Variants in DOP1B observed in about 807,000 individuals in gnomAD.
DOP1B encodes DOP1 leucine zipper like protein B, also known as protein DOP1B.
DOP1B carries 174 observed loss-of-function variants against 233.5 expected under a neutral mutation model. The observed-to-expected ratio is 0.75, with a 90% CI of 0.66 to 0.85. The LOEUF is 0.85. DOP1B is among the 40% of genes least tolerant of loss of function. The pLI is 0.00. For missense variants in DOP1B, 2,652 were observed against 2,846.6 expected, an observed-to-expected ratio of 0.93 and a Z score of 1.56; for synonymous variants, 1,190 against 1,185.6, an observed-to-expected ratio of 1.00 and a Z score of -0.08.
intron 2 of DOP1B, among the ~76,000 whole-genome samples, chr21:36,193,325 GT>G (rs1162491320): frequency 2.0e-5 from 3 of 152,164 alleles, no homozygotes; most frequent in African/African-American, 4.8e-5. Context: ...TGACAGTCGC[GT>G]AGAATGACTG....
chr21:36,235,798 A>G (rs189682713), intron 15 of DOP1B, among the ~76,000 whole-genome samples: 13 of 142,642 alleles, frequency 9.1e-5, no homozygotes, highest in Admixed American at 3.8e-4. Context: ...TTGCAAAAAA[A>G]TTTTTTAAAC....
intron 26 of DOP1B, among the ~76,000 whole-genome samples, chr21:36,264,976 T>C (rs1054300240): frequency 3.9e-5 from 6 of 152,216 alleles, no homozygotes; most frequent in African/African-American, 1.4e-4. Flanking sequence ...ATTGATTCAG[T>C]TGGCTTTTCT....
At chr21:36,197,193 A>G (rs1433623347) in intron 2 of DOP1B, among the ~76,000 whole-genome samples, 2 of 152,046 alleles carry the variant, frequency 1.3e-5, no homozygotes, top group African/African-American at 4.8e-5. Flanking sequence ...CTGCCTCCCA[A>G]AGTGCCAGGA....
rs776238578 is a variant in DOP1B at position 36,293,763 on chromosome 21, A to C, written c.*192A>C. On this transcript the variant is annotated 3_prime_UTR_variant, in exon 37 of 37. Transcript: ENST00000691173. ...TTTGGGAGGCCAAGGCAGGCAGATC[A>C]CTTGAGGTCAGGAGTTCGAGACCAG... 1.7e-6 allele frequency: 1 copy of C among 572,064 alleles called. No individual in the cohort carries two copies. The allele number at this position is 572,064 out of a possible 1,614,324, so 35.4% of individuals were successfully genotyped here. A position where few individuals can be genotyped will look rare whatever the true frequency, so the allele number is the denominator to read the frequency against.
At chr21:36,222,762 G>A (rs1234245102) in intron 10 of DOP1B, among the ~76,000 whole-genome samples, 1 of 151,714 alleles carries the variant, frequency 6.6e-6, no homozygotes, top group Non-Finnish European at 1.5e-5. Flanking sequence ...TTGAGACAGA[G>A]TCTCACTCTG....
chr21:36,165,129 A>G (rs990679880), intron 2 of DOP1B, among the ~76,000 whole-genome samples: 5 of 152,152 alleles, frequency 3.3e-5, no homozygotes, highest in Non-Finnish European at 5.9e-5. Flanking sequence ...TAACCTATCA[A>G]TGTATGTACC....
chr21:36,244,981 G>A (rs746507705), intron 18 of DOP1B, 67 bp from the exon 19 acceptor site: 32 of 1,473,248 alleles, frequency 2.2e-5, no homozygotes, highest in African/African-American at 5.6e-5. Flanking sequence ...GACAAAGACC[G>A]CCCTACAGCT....
At position 36,269,995 on chromosome 21, in the gene DOP1B, C is replaced by T; in HGVS notation, c.5488-18C>T. The T allele has an allele frequency of 6.2e-7, 1 of 1,613,356 alleles. No homozygotes were observed. Among genetic ancestry groups the T allele is most frequent in the Non-Finnish European group, 8.5e-7 (1 of 1,179,414 alleles). On this transcript the variant is annotated intron_variant, in intron 26 of 36. Transcript: ENST00000691173. Reference sequence around the variant, plus strand: ...TCCTTAATTAACTTCCTTTCCCCCTCCTCCTGATAATTCTCAGGAAATCAC... The same window carrying T: ...TCCTTAATTAACTTCCTTTCCCCCTTCTCCTGATAATTCTCAGGAAATCAC...
At chr21:36,273,080 C>T (rs939428342) in intron 27 of DOP1B, among the ~76,000 whole-genome samples, 3 of 149,928 alleles carry the variant, frequency 2.0e-5, no homozygotes, top group South Asian at 2.1e-4. Context: ...CCAGCCTGGG[C>T]GACAGAGCAA....
rs746372746 is a variant in DOP1B at position 36,238,688 on chromosome 21, C to T, written c.2863C>T (p.Arg955Cys). ...AGGCAGTCGAGTAACATCTCACAATCGCTCCTTTGATAGGTGAGGCGGCCT... is the reference window on the plus strand; with the variant it reads ...AGGCAGTCGAGTAACATCTCACAATTGCTCCTTTGATAGGTGAGGCGGCCT... ...IQGSRVTSHNRSFDRSLFVVL... is the reference protein window; with the variant it reads ...IQGSRVTSHNCSFDRSLFVVL... The change falls in exon 17 of 37, where the codon CGC becomes TGC. Residue 955 changes from arginine (R) to cysteine (C), a missense_variant. This residue lies in a region of DOP1B where 2,617 missense variants were observed against 2,794.3 expected (regional missense o/e 0.94). Coordinates refer to ENST00000691173, the MANE Select transcript of DOP1B (RefSeq NM_001320714.2). 3.7e-6 allele frequency: 6 copies of T among 1,614,210 alleles called. No homozygotes were observed. Among genetic ancestry groups the T allele is most frequent in the South Asian group, 1.1e-5 (1 of 91,084 alleles).
At chr21:36,223,585 T>C (rs2066650091) in intron 11 of DOP1B, among the ~76,000 whole-genome samples, 1 of 152,242 alleles carries the variant, frequency 6.6e-6, no homozygotes. Flanking sequence ...CTGAAGCTGC[T>C]TTAAAAGTCT....
At chr21:36,202,130 C>T (rs756536519) in intron 4 of DOP1B, among the ~76,000 whole-genome samples, 2 of 151,966 alleles carry the variant, frequency 1.3e-5, no homozygotes, top group South Asian at 2.1e-4. Flanking sequence ...AAGGTTGCAG[C>T]GAGCCGAGAT....
At chr21:36,292,052 G>A (rs370157448) in intron 35 of DOP1B, 52 bp from the exon 36 acceptor site, 90 of 1,532,266 alleles carry the variant, frequency 5.9e-5, no homozygotes, top group African/African-American at 2.7e-4. Flanking sequence ...TAATTTTAAC[G>A]ACGTTGAAGG....
chr21:36,260,376 A>C (rs1256264841), intron 23 of DOP1B, among the ~76,000 whole-genome samples: 6 of 151,976 alleles, frequency 3.9e-5, no homozygotes, highest in Non-Finnish European at 8.8e-5. Flanking sequence ...TCTGTTTGGG[A>C]AGTTCGGTTA....
At position 36,212,613 on chromosome 21, in the gene DOP1B, C is replaced by T. The variant is rs556757817; in HGVS notation, c.904+516C>T. Among the ~76,000 whole-genome samples, 5 of 152,096 alleles carry T rather than the reference C, an allele frequency of 3.3e-5. No homozygotes were observed. The East Asian group carries it at 7.7e-4, about 23-fold the overall frequency. ...TGCCTATAAATTTGTTGGCAAAGGG[C>T]CCTTGACTATTGGTTGGAAGGCCTC... On this transcript the variant is annotated intron_variant, in intron 7 of 36. Coordinates refer to ENST00000691173, the MANE Select transcript of DOP1B (RefSeq NM_001320714.2).
In DOP1B at chr21:36,211,967, C is replaced by T. The variant is rs2066503296; in HGVS notation, c.781-7C>T. 1 of 1,613,760 alleles carries T rather than the reference C, an allele frequency of 6.2e-7. No individual in the cohort carries two copies. The highest frequency in any genetic ancestry group is 1.7e-5 in the Admixed American group (1 of 59,982). The stretch of plus-strand genomic sequence containing the variant: ...CCTTGCAGTAAATTTCTCTGTCCTT[C>T]TAATAGGATTCCAATGAGAGAGCCA... On this transcript the variant is annotated splice_polypyrimidine_tract_variant and splice_region_variant and intron_variant, in intron 6 of 36. Transcript: ENST00000691173.
Position 36,248,509 on chromosome 21 carries a change from C to T in DOP1B, c.4939C>T (p.Pro1647Ser). The T allele has an allele frequency of 1.9e-6, 3 of 1,614,126 alleles. No individual in the cohort carries two copies. The highest frequency in any genetic ancestry group is 1.3e-5 in the African/African-American group (1 of 75,048). Residue 1647 changes from proline (P) to serine (S), a missense_variant, in exon 21 of 37, where the codon CCT (proline) becomes TCT (serine). Around this residue, in one of 3 missense-constraint regions of DOP1B, gnomAD observed 2,617 missense variants for 2,794.3 expected, o/e 0.94. Coordinates refer to ENST00000691173, the MANE Select transcript of DOP1B (RefSeq NM_001320714.2). Reference sequence around the variant, plus strand: ...CAGAAAGGAGGAGACTCAAAAGAGACCTGTCGATCTCCTAGGGGCCACGAA... The same window carrying T: ...CAGAAAGGAGGAGACTCAAAAGAGATCTGTCGATCTCCTAGGGGCCACGAA... ...VLRKEETQKRPVDLLGATKGS... is the reference protein window; with the variant it reads ...VLRKEETQKRSVDLLGATKGS...
rs146483701 is a variant in DOP1B, at chr21:36,279,969, G to A, written c.5970-316G>A. Among the ~76,000 whole-genome samples the A allele has an allele frequency of 3.0e-3, 452 of 152,246 alleles. 1 individual carries two copies. Among genetic ancestry groups the A allele is most frequent in the Non-Finnish European group, 4.7e-3 (321 of 68,000 alleles). ...CAGCTCACCACAACCTCCACCTCCC[G>A]GGTTCAAGCGATTCTCCTGCCTCAG... On this transcript the variant is annotated intron_variant, in intron 30 of 36. Transcript: ENST00000691173.
At chr21:36,260,382 G>A (rs556527319) in intron 23 of DOP1B, among the ~76,000 whole-genome samples, 11 of 152,214 alleles carry the variant, frequency 7.2e-5, no homozygotes, top group Non-Finnish European at 1.0e-4. Flanking sequence ...TGGGAAGTTC[G>A]GTTACAGTGC....
Sources: gnomAD v4.1 joint callset for allele counts (sites outside exome capture counted in the v4.1 genomes callset) on GRCh38, gnomAD v4.1.1 for gene constraint, gnomAD v4.1.1 regional missense constraint, MANE v1.5 for transcripts, NCBI Gene and HGNC (gene_info 2026-07-23, HGNC 2026-07-21) for gene names.